The following FAM118A variants were observed in gnomAD, a reference collection of about 807,000 sequenced individuals.
FAM118A encodes protein FAM118A.
FAM118A carries 25 observed loss-of-function variants against 38.2 expected under a neutral mutation model. That is an observed-to-expected ratio of 0.65 (90% CI 0.48 to 0.91). The LOEUF (loss-of-function observed/expected upper bound fraction) is 0.91. Among genes scored for constraint, FAM118A ranks in the 40% least tolerant of loss-of-function variants. The pLI is 0.00. For synonymous variants in FAM118A, 178 were observed against 184.1 expected (o/e 0.97, Z 0.27); for missense variants, 425 against 463.3 (o/e 0.92, Z 0.76).
intron 6 of FAM118A, among the ~76,000 whole-genome samples, chr22:45,333,831 C>A (rs550236692): frequency 2.1e-4 from 32 of 152,214 alleles, no homozygotes; most frequent in Admixed American, 1.9e-3. Flanking sequence ...CGGAGGAAGA[C>A]CCTGTCTCTA....
rs375088388 is a variant in FAM118A at position 45,340,466 on chromosome 22, G to C, written c.*61G>C. 1 of 1,577,468 alleles carries C rather than the reference G, an allele frequency of 6.3e-7. No homozygotes were observed. Among genetic ancestry groups the C allele is most frequent in the Non-Finnish European group, 8.7e-7 (1 of 1,146,522 alleles). On this transcript the variant is annotated 3_prime_UTR_variant, in exon 9 of 9. Transcript: ENST00000441876. ...CCTTCTGTAACCACAGTGCCCAAAC[G>C]AAGAGGAATGTATGGAGAACTCCAC...
At chr22:45,329,182 TATAA>T (rs2085526730) in intron 4 of FAM118A, 1 of 152,296 alleles carries the variant, frequency 6.6e-6, no homozygotes, top group Admixed American at 6.5e-5. Context: ...TATTTACAGT[TATAA>T]ATAACACTAC....
intron 1 of FAM118A, among the ~76,000 whole-genome samples, chr22:45,316,884 C>T (rs1313460990): frequency 6.6e-6 from 1 of 152,198 alleles, no homozygotes; most frequent in Non-Finnish European, 1.5e-5. Context: ...GGATTGACTA[C>T]AGGTGAGTTA....
intron 1 of FAM118A, among the ~76,000 whole-genome samples, chr22:45,320,389 A>C (rs923859811): frequency 6.1e-5 from 9 of 146,502 alleles, no homozygotes; most frequent in Admixed American, 4.3e-4. Context: ...TCAAAAAAAA[A>C]CAAACAAACA....
Position 45,332,652 on chromosome 22 carries a change from C to A in FAM118A, c.879C>A (p.Asp293Glu). Residue 293 changes from aspartate to glutamate, a missense_variant, in exon 6 of 9, where the codon GAC (aspartate) becomes GAA (glutamate). By Grantham distance (45) the Asp-to-Glu change is conservative. Coordinates refer to ENST00000441876, the MANE Select transcript of FAM118A (RefSeq NM_017911.4). Reference sequence around the variant, plus strand: ...TTGTATCCTACGGGGACTGTTTTGACCACTTTCCAGGATATGTGCAAGACC... The same window carrying A: ...TTGTATCCTACGGGGACTGTTTTGAACACTTTCCAGGATATGTGCAAGACC... ...IKVVSYGDCF[D>E]HFPGYVQDLA... 1 of 1,614,152 alleles carries A rather than the reference C, an allele frequency of 6.2e-7. No homozygotes were observed. The highest frequency in any genetic ancestry group is 8.5e-7 in the Non-Finnish European group (1 of 1,179,998).
intron 1 of FAM118A, 186 bp from the exon 2 acceptor site, chr22:45,322,185 G>A: frequency 6.6e-7 from 1 of 1,515,550 alleles, no homozygotes; most frequent in Non-Finnish European, 8.9e-7. Context: ...CTCATGAGAT[G>A]AGGAATGGTG....
In FAM118A at chr22:45,327,932, C is replaced by T. The variant is rs151076236; in HGVS notation, c.391C>T (p.Leu131=). 753 of 1,614,078 alleles carry T rather than the reference C, an allele frequency of 4.7e-4. No homozygotes were observed. Among genetic ancestry groups the T allele is most frequent in the Non-Finnish European group, 6.0e-4 (706 of 1,179,922 alleles). Reference sequence around the variant, plus strand: ...GCAGCACATCCGGAGTCCTGTGGTGCTGCAGTCGATCCTCAGCCTGATGGA... The same window carrying T: ...GCAGCACATCCGGAGTCCTGTGGTGTTGCAGTCGATCCTCAGCCTGATGGA... ...LEQHIRSPVV[L]QSILSLMDRG... Residue 131 remains leucine, a synonymous_variant, in exon 4 of 9, where the codon CTG becomes TTG. Coordinates refer to ENST00000441876, the MANE Select transcript of FAM118A (RefSeq NM_017911.4).
chr22:45,333,082 C>T (rs2085839838), intron 6 of FAM118A, among the ~76,000 whole-genome samples: 1 of 152,142 alleles, frequency 6.6e-6, no homozygotes, highest in African/African-American at 2.4e-5. Context: ...AGGGCTCTTC[C>T]AGTTGTTTCT....
chr22:45,312,484 C>A (rs905485261), intron 1 of FAM118A, among the ~76,000 whole-genome samples: 7 of 152,154 alleles, frequency 4.6e-5, no homozygotes, highest in African/African-American at 1.7e-4. Flanking sequence ...ACCAGCCTGG[C>A]CAACATAGCA....
intron 4 of FAM118A, chr22:45,328,533 G>C (rs1176411217): frequency 4.1e-6 from 3 of 728,322 alleles, no homozygotes; most frequent in East Asian, 2.6e-5. Context: ...TGGGGAGGCC[G>C]AGGTGGGAGG....
intron 1 of FAM118A, among the ~76,000 whole-genome samples, chr22:45,312,452 C>T (rs2084412874): frequency 6.6e-6 from 1 of 152,164 alleles, no homozygotes; most frequent in Non-Finnish European, 1.5e-5. Context: ...GAGGGTAGAT[C>T]ATCTGAGGTC....
intron 6 of FAM118A, chr22:45,335,041 T>C: frequency 2.5e-6 from 1 of 400,376 alleles, no homozygotes; most frequent in South Asian, 5.8e-5. Context: ...TGAAGGACAT[T>C]TGTACTCGAA....
chr22:45,311,579 T>G (rs1044017792), intron 1 of FAM118A, among the ~76,000 whole-genome samples: 2 of 152,062 alleles, frequency 1.3e-5, no homozygotes, highest in African/African-American at 4.8e-5. Flanking sequence ...TGAGAGCCAG[T>G]CAGGACCAAA....
chr22:45,330,641 C>T lies in FAM118A; in HGVS notation c.561C>T (p.Val187=). 1.3e-6 allele frequency: 2 copies of T among 1,591,288 alleles called. No homozygotes were observed. The highest frequency in any genetic ancestry group is 1.7e-6 in the Non-Finnish European group (2 of 1,170,404). The part of the protein sequence containing the change: ...EWARGHMKYG[V]LHIHGLYTDP... Reference sequence around the variant, plus strand: ...CAAGAGGGCACATGAAGTACGGCGTCCTCCACATTCACGGCCTCTACACGG... The same window carrying T: ...CAAGAGGGCACATGAAGTACGGCGTTCTCCACATTCACGGCCTCTACACGG... Residue 187 remains valine (V), a synonymous_variant, in exon 5 of 9, where the codon GTC becomes GTT. Transcript: ENST00000441876.
chr22:45,332,768 C>T (rs1427331596), intron 6 of FAM118A, 58 bp downstream of exon 6: 46 of 1,376,878 alleles, frequency 3.3e-5, no homozygotes, highest in East Asian at 2.2e-4. Flanking sequence ...TTTTTTGAGA[C>T]GGAGTTTTGC....
At chr22:45,320,912 A>G (rs1407704060) in intron 1 of FAM118A, among the ~76,000 whole-genome samples, 1 of 152,216 alleles carries the variant, frequency 6.6e-6, no homozygotes, top group Non-Finnish European at 1.5e-5. Context: ...TAATTTCACA[A>G]TATACAGGCT....
intron 4 of FAM118A, chr22:45,330,372 G>A (rs1259215705): frequency 1.7e-5 from 5 of 286,634 alleles, no homozygotes; most frequent in African/African-American, 4.4e-5. Context: ...GCTAACAGCC[G>A]ATCCTCTCTC....
At chr22:45,330,456 T>G in intron 4 of FAM118A, 147 bp from the exon 5 acceptor site, 1 of 870,734 alleles carries the variant, frequency 1.1e-6, no homozygotes, top group Non-Finnish European at 1.6e-6. Flanking sequence ...CTCTTAGGTT[T>G]TGAAGGTATA....
At chr22:45,324,918 G>A (rs2085150976) in intron 3 of FAM118A, among the ~76,000 whole-genome samples, 1 of 152,168 alleles carries the variant, frequency 6.6e-6, no homozygotes, top group African/African-American at 2.4e-5. Context: ...GTGGTGGCAG[G>A]CGCCTGTAAT....
Sources: allele counts gnomAD v4.1 joint callset (sites outside exome capture counted in the v4.1 genomes callset), GRCh38; gene constraint gnomAD v4.1.1; transcripts MANE v1.5; gene names NCBI Gene and HGNC (gene_info 2026-07-23, HGNC 2026-07-21).